ANKRD2: variants seen among roughly 807,000 people sequenced by gnomAD.
ANKRD2 encodes the protein ankyrin repeat domain 2, also known as ankyrin repeat domain-containing protein 2.
A neutral mutation model predicts 37.3 loss-of-function variants in ANKRD2; 35 were observed. That is an observed-to-expected ratio of 0.94 (90% confidence interval 0.72 to 1.24). The LOEUF is 1.24. Ranked by LOEUF, ANKRD2 falls within the 50% of genes most tolerant of loss-of-function variation. The probability of loss-of-function intolerance (pLI) is 0.00; values close to 1 mark genes in which losing one functional copy is unlikely to be tolerated. For missense variants in ANKRD2, 410 were observed against 445.6 expected (o/e 0.92, Z 0.72); for synonymous variants, 159 against 186.5 (o/e 0.85, Z 1.20).
chr10:97,574,315 A>C (rs1422841956), intron 1 of ANKRD2, among the ~76,000 whole-genome samples: 2 of 150,158 alleles, frequency 1.3e-5, no homozygotes, highest in Non-Finnish European at 3.0e-5. Context: ...CTCTGTGGAC[A>C]GGAGGATACC....
At chr10:97,580,739 G>T in intron 4 of ANKRD2, 116 bp from the exon 5 acceptor site, 1 of 729,100 alleles carries the variant, frequency 1.4e-6, no homozygotes, top group Non-Finnish European at 2.3e-6. Context: ...AAAACATGGG[G>T]GCCAAGCACA....
In ANKRD2 at chr10:97,577,782, C is replaced by T. The variant is rs1012150989; in HGVS notation, c.88-18C>T. The T allele has an allele frequency of 5.2e-6, 8 of 1,540,760 alleles. No homozygotes were observed. Among genetic ancestry groups the T allele is most frequent in the Non-Finnish European group, 6.1e-6 (7 of 1,140,178 alleles). ...GTCTCCTCGGGTCCTGGAGAAGGTGCCCTCTTTGGATCACCAGAAACTCCG... is the reference window on the plus strand; with the variant it reads ...GTCTCCTCGGGTCCTGGAGAAGGTGTCCTCTTTGGATCACCAGAAACTCCG... On this transcript the variant is annotated intron_variant, in intron 1 of 8. Transcript: ENST00000370655.
chr10:97,581,363 G>T lies in ANKRD2; in HGVS notation c.603G>T (p.Glu201Asp), dbSNP rs1002426643. 13 of 1,614,176 alleles carry T rather than the reference G, an allele frequency of 8.1e-6. No individual in the cohort carries two copies. Among genetic ancestry groups the T allele is most frequent in the Non-Finnish European group, 1.1e-5 (13 of 1,180,008 alleles). The change falls in exon 6 of 9, where the codon GAG becomes GAT. Residue 201 changes from glutamate to aspartate, a missense_variant. By Grantham distance (45) the Glu-to-Asp change is conservative (BLOSUM62 2). Coordinates refer to ENST00000370655, the MANE Select transcript of ANKRD2 (RefSeq NM_001346793.2). ...GGGCCTGCCGCGGGGGCCACTTAGA[G>T]GTGGTGAAACTTCTGCAAAGCCATG... ...MHWACRGGHL[E>D]VVKLLQSHGA...
chr10:97,572,697 C>G (rs1259740290), upstream of ANKRD2: 1 of 1,598,430 alleles, frequency 6.3e-7, no homozygotes, highest in Non-Finnish European at 8.5e-7. Flanking sequence ...GAGAATTGGG[C>G]CAGTGAGCTC....
rs1190008821 is a variant in ANKRD2, at chr10:97,583,861, C to A, written c.*136C>A. ...CAGGAGCACATACCACAAACTACCA[C>A]AATAAAAAAGCTGTTTTTGCTAATT... On this transcript the variant is annotated 3_prime_UTR_variant, in exon 9 of 9. Coordinates refer to ENST00000370655, the MANE Select transcript of ANKRD2 (RefSeq NM_001346793.2). The A allele has an allele frequency of 5.8e-6, 6 of 1,027,512 alleles. No individual in the cohort carries two copies. Among genetic ancestry groups the A allele is most frequent in the Non-Finnish European group, 7.7e-6 (6 of 775,350 alleles). 63.6% of individuals were successfully genotyped at this position (1,027,512 alleles called of 1,614,324 possible).
upstream of ANKRD2, chr10:97,572,689 G>A (rs950976621): frequency 1.3e-6 from 2 of 1,593,758 alleles, no homozygotes; most frequent in Non-Finnish European, 8.5e-7. Flanking sequence ...GGCAGGTGGA[G>A]AATTGGGCCA....
chr10:97,583,625 G>A lies in ANKRD2; in HGVS notation c.902G>A (p.Arg301Gln), dbSNP rs566640055. Reference sequence around the variant, plus strand: ...GTGCAGCTCTGGCAGGCTGATACCCGGCACGCCCTGGAGCATCCTGAGCCG... The same window carrying A: ...GTGCAGCTCTGGCAGGCTGATACCCAGCACGCCCTGGAGCATCCTGAGCCG... ...DLVQLWQADTRHALEHPEPGA... is the reference protein window; with the variant it reads ...DLVQLWQADTQHALEHPEPGA... The change falls in exon 9 of 9, where the codon CGG (arginine) becomes CAG (glutamine). Residue 301 changes from arginine (R) to glutamine (Q), a missense_variant. Physicochemically the swap from Arg to Gln is conservative, Grantham distance 43. Transcript: ENST00000370655. 1.9e-5 allele frequency: 30 copies of A among 1,605,666 alleles called. No individual in the cohort carries two copies. Among genetic ancestry groups the A allele is most frequent in the African/African-American group, 1.3e-4 (10 of 74,784 alleles).
intron 2 of ANKRD2, 28 bp from the exon 3 acceptor site, chr10:97,578,212 T>G (rs1165037020): frequency 3.0e-5 from 40 of 1,313,526 alleles, no homozygotes; most frequent in Non-Finnish European, 3.9e-5. Flanking sequence ...CTGCCCGGCC[T>G]GGGGGGTTGA....
chr10:97,581,345 C>T lies in ANKRD2; in HGVS notation c.585C>T (p.Cys195=). The change falls in exon 6 of 9, where the codon TGC becomes TGT. Residue 195 remains cysteine, a synonymous_variant. Coordinates refer to ENST00000370655, the MANE Select transcript of ANKRD2 (RefSeq NM_001346793.2). ...ACTGCACAGCCATGCATTGGGCCTG[C>T]CGCGGGGGCCACTTAGAGGTGGTGA... ...RLDCTAMHWA[C]RGGHLEVVKL... is the part of the protein sequence containing the mutation. 6.2e-7 allele frequency: 1 copy of T among 1,614,022 alleles called. No homozygotes were observed. Among genetic ancestry groups the T allele is most frequent in the East Asian group, 2.2e-5 (1 of 44,898 alleles).
chr10:97,574,606 G>A (rs1312599915), intron 1 of ANKRD2, among the ~76,000 whole-genome samples: 1 of 152,188 alleles, frequency 6.6e-6, no homozygotes, highest in Non-Finnish European at 1.5e-5. Flanking sequence ...AGAAGGACTT[G>A]TTGGAAAAGG....
At position 97,583,842 on chromosome 10, in the gene ANKRD2, C is replaced by A; in HGVS notation, c.*117C>A. On this transcript the variant is annotated 3_prime_UTR_variant, in exon 9 of 9. Coordinates refer to ENST00000370655, the MANE Select transcript of ANKRD2 (RefSeq NM_001346793.2). ...GCCTTTTTTCTGCATGATCCAGGAG[C>A]ACATACCACAAACTACCACAATAAA... 8.5e-7 allele frequency: 1 copy of A among 1,173,590 alleles called. No individual in the cohort carries two copies. Among genetic ancestry groups the A allele is most frequent in the Non-Finnish European group, 1.1e-6 (1 of 892,204 alleles). The allele number at this position is 1,173,590 out of a possible 1,614,324, so 72.7% of individuals were successfully genotyped here.
chr10:97,580,186 CA>C (rs1337642756), intron 4 of ANKRD2, among the ~76,000 whole-genome samples: 1 of 151,954 alleles, frequency 6.6e-6, no homozygotes, highest in Non-Finnish European at 1.5e-5. Flanking sequence ...CAAAACAAAA[CA>C]AAAAAACAGA....
rs936126737 is a variant in ANKRD2, at chr10:97,578,009, G to A, written c.189+108G>A. ...CATGGACCAGCAGTTCAGCACCCCC[G>A]GTAGAGCTTGCTAGCCCTGCAGAAT... On this transcript the variant is annotated intron_variant, in intron 2 of 8. Transcript: ENST00000370655. The A allele has an allele frequency of 5.3e-5, 62 of 1,170,688 alleles. No individual in the cohort carries two copies. In the East Asian group the frequency reaches 1.4e-3, roughly 27 times the overall value. The allele number at this position is 1,170,688 out of a possible 1,614,324, so 72.5% of individuals were successfully genotyped here.
rs141168302 is a variant in ANKRD2 at position 97,581,336 on chromosome 10, T to C, written c.576T>C (p.His192=). The change falls in exon 6 of 9, where the codon CAT becomes CAC. Residue 192 remains histidine, a synonymous_variant. Coordinates refer to ENST00000370655, the MANE Select transcript of ANKRD2 (RefSeq NM_001346793.2). ...FQDRLDCTAM[H]WACRGGHLEV... The stretch of plus-strand genomic sequence containing the variant: ...TCTAGCTGGACTGCACAGCCATGCA[T>C]TGGGCCTGCCGCGGGGGCCACTTAG... 4 of 1,614,068 alleles carry C rather than the reference T, an allele frequency of 2.5e-6. No homozygotes were observed. In the African/African-American group the frequency reaches 5.3e-5, roughly 22 times the overall value.
intron 1 of ANKRD2, among the ~76,000 whole-genome samples, chr10:97,577,322 C>T (rs77184781): frequency 0.049 from 7,389 of 151,922 alleles, 459 homozygotes; most frequent in African/African-American, 0.14. Context: ...TTTAGAGACA[C>T]GATCTTGCTA....
chr10:97,581,177 C>T, intron 5 of ANKRD2, 139 bp from the exon 6 acceptor site: 3 of 875,088 alleles, frequency 3.4e-6, no homozygotes, highest in Non-Finnish European at 5.4e-6. Flanking sequence ...TTCTGTTCCA[C>T]TTGGTCCATT....
intron 2 of ANKRD2, 123 bp downstream of exon 2, chr10:97,578,024 C>A: frequency 2.7e-6 from 3 of 1,113,508 alleles, no homozygotes; most frequent in Non-Finnish European, 3.8e-6. Context: ...AGCTTGCTAG[C>A]CCTGCAGAAT....
At chr10:97,579,498 C>T (rs1338309640) in intron 4 of ANKRD2, among the ~76,000 whole-genome samples, 1 of 151,698 alleles carries the variant, frequency 6.6e-6, no homozygotes, top group South Asian at 2.1e-4. Flanking sequence ...TAAAACATAA[C>T]GTGAAATGTT....
chr10:97,583,124 G>A (rs78698059), intron 8 of ANKRD2, among the ~76,000 whole-genome samples: 1,659 of 152,302 alleles, frequency 0.011, 22 homozygotes, highest in Middle Eastern at 0.061. Flanking sequence ...TCCTTGGAAG[G>A]GGAAGGTGCC....
Sources: gnomAD v4.1 joint callset for allele counts (sites outside exome capture counted in the v4.1 genomes callset) on GRCh38, gnomAD v4.1.1 for gene constraint, MANE v1.5 for transcripts, NCBI Gene and HGNC (gene_info 2026-07-23, HGNC 2026-07-21) for gene names.